The following MTRES1 variants were observed in gnomAD, a reference collection of about 807,000 sequenced individuals.
MTRES1 encodes the protein uncharacterized protein C6orf203.
MTRES1 carries 11 observed loss-of-function variants against 17.4 expected under a neutral mutation model. The ratio of observed to expected loss-of-function variants is 0.63; its 90% CI spans 0.40 to 1.05. The LOEUF (loss-of-function observed/expected upper bound fraction) is 1.05. MTRES1 is among the 50% of genes least tolerant of loss of function. The pLI is 0.00. For missense variants in MTRES1, 268 were observed against 276.2 expected, an observed-to-expected ratio of 0.97 and a Z score of 0.21; for synonymous variants, 94 against 99.6, an observed-to-expected ratio of 0.94 and a Z score of 0.34.
intron 2 of MTRES1, among the ~76,000 whole-genome samples, chr6:107,042,785 T>C (rs1415488877): frequency 3.3e-5 from 5 of 152,194 alleles, no homozygotes; most frequent in Admixed American, 3.3e-4. Context: ...AGCTGCAGCC[T>C]GGCCATGTAG....
rs369691010 is a variant in MTRES1, at chr6:107,046,826, A to G, written c.543+2494A>G. Among the ~76,000 whole-genome samples the G allele has an allele frequency of 5.4e-4, 82 of 152,228 alleles. No homozygotes were observed. The South Asian group carries it at 9.3e-3, about 17-fold the overall frequency. The stretch of plus-strand genomic sequence containing the variant: ...AACAGTGGGTGTGTGGTGTCCAAGT[A>G]TGGGGATTGAATCCTTCCTAAACTC... On this transcript the variant is annotated intron_variant, in intron 3 of 3. Coordinates refer to ENST00000311381, the MANE Select transcript of MTRES1 (RefSeq NM_016487.5).
At chr6:107,030,335 C>T (rs1296982787) in intron 1 of MTRES1, among the ~76,000 whole-genome samples, 1 of 152,094 alleles carries the variant, frequency 6.6e-6, no homozygotes, top group African/African-American at 2.4e-5. Context: ...GTGGAGGTGT[C>T]AAATAGGCAG....
intron 1 of MTRES1, chr6:107,029,883 G>A: frequency 8.5e-6 from 5 of 590,380 alleles, no homozygotes; most frequent in Non-Finnish European, 1.5e-5. Flanking sequence ...TGGGATTATA[G>A]GCGTGAGCCA....
rs143751404 is a variant in MTRES1 at position 107,031,405 on chromosome 6, A to G, written c.-13+3134A>G. On this transcript the variant is annotated intron_variant, in intron 1 of 3. Coordinates refer to ENST00000311381, the MANE Select transcript of MTRES1 (RefSeq NM_016487.5). Reference sequence around the variant, plus strand: ...TGTCTCAAAAAAAAAAAAAAGAAAAAAAAAGAAAAAAGGAGAAGAGAAGGA... The same window carrying G: ...TGTCTCAAAAAAAAAAAAAAGAAAAGAAAAGAAAAAAGGAGAAGAGAAGGA... Among the ~76,000 whole-genome samples, 484 of 148,630 alleles carry G rather than the reference A, an allele frequency of 3.3e-3. 8 individuals are homozygous for G. Among genetic ancestry groups the G allele is most frequent in the African/African-American group, 0.011 (459 of 40,486 alleles).
intron 1 of MTRES1, among the ~76,000 whole-genome samples, chr6:107,036,703 C>A (rs1211869405): frequency 6.6e-6 from 1 of 151,788 alleles, no homozygotes; most frequent in Non-Finnish European, 1.5e-5. Context: ...ATTAGTTGGG[C>A]GTGGTGGTGG....
intron 2 of MTRES1, among the ~76,000 whole-genome samples, chr6:107,043,281 CCGAGACCA>C (rs1774281193): frequency 6.6e-6 from 1 of 151,752 alleles, no homozygotes; most frequent in South Asian, 2.1e-4. Context: ...CTGCAGTGAG[CCGAGACCA>C]CACCACCGCA....
intron 1 of MTRES1, among the ~76,000 whole-genome samples, chr6:107,034,709 C>T (rs9373910): frequency 0.13 from 19,109 of 152,164 alleles, 1,685 homozygotes; most frequent in East Asian, 0.35. Context: ...TGACCTTGGT[C>T]GGGTGCGTTG....
intron 1 of MTRES1, among the ~76,000 whole-genome samples, chr6:107,031,857 T>C (rs1442103649): frequency 6.6e-6 from 1 of 152,064 alleles, no homozygotes. Context: ...CACCTCGGCC[T>C]CCCAAAGTGC....
At chr6:107,044,074 A>T (rs1379452652) in intron 2 of MTRES1, among the ~76,000 whole-genome samples, 186 bp from the exon 3 acceptor site, 1 of 152,214 alleles carries the variant, frequency 6.6e-6, no homozygotes, top group African/African-American at 2.4e-5. Flanking sequence ...GTGAGCCGAG[A>T]TGGCGCCACT....
chr6:107,034,843 C>T (rs1375598899), intron 1 of MTRES1, among the ~76,000 whole-genome samples: 1 of 151,978 alleles, frequency 6.6e-6, no homozygotes, highest in Non-Finnish European at 1.5e-5. Context: ...CAAAATTAGC[C>T]AGGCGTGGTG....
chr6:107,038,898 T>C (rs1202011900), intron 1 of MTRES1, among the ~76,000 whole-genome samples: 5 of 151,816 alleles, frequency 3.3e-5, no homozygotes, highest in Non-Finnish European at 7.4e-5. Flanking sequence ...CTACTAAAAA[T>C]ACAAAATTAG....
chr6:107,041,009 A>C (rs62429963), intron 2 of MTRES1: 1 of 151,298 alleles, frequency 6.6e-6, no homozygotes, highest in Non-Finnish European at 1.5e-5. Context: ...GGCGGATCAC[A>C]AGGTCAGGAG....
In MTRES1 at chr6:107,030,459, T is replaced by C. The variant is rs909637071; in HGVS notation, c.-13+2188T>C. Among the ~76,000 whole-genome samples, 4 of 152,178 alleles carry C rather than the reference T, an allele frequency of 2.6e-5. No individual in the cohort carries two copies. In the East Asian group the frequency reaches 7.7e-4, roughly 29 times the overall value. On this transcript the variant is annotated intron_variant, in intron 1 of 3. Transcript: ENST00000311381. The stretch of plus-strand genomic sequence containing the variant: ...TATAGCAAAAGGATACAAAGCAAAA[T>C]AAGCAAAGGGAAAAGATGCATGGGA...
intron 1 of MTRES1, among the ~76,000 whole-genome samples, chr6:107,033,507 C>A (rs1773910658): frequency 6.6e-6 from 1 of 151,960 alleles, no homozygotes; most frequent in Non-Finnish European, 1.5e-5. Flanking sequence ...ACTCAGGGCT[C>A]CCCTGACCAG....
chr6:107,049,097 G>A (rs542778046), intron 3 of MTRES1, among the ~76,000 whole-genome samples: 76 of 152,292 alleles, frequency 5.0e-4, no homozygotes, highest in African/African-American at 1.7e-3. Context: ...TCTTGAGTGG[G>A]TGGGAGAATA....
At chr6:107,046,101 G>T (rs1177327098) in intron 3 of MTRES1, among the ~76,000 whole-genome samples, 1 of 152,218 alleles carries the variant, frequency 6.6e-6, no homozygotes, top group Non-Finnish European at 1.5e-5. Context: ...GAACCGGCAG[G>T]CTGGGACTGT....
In MTRES1 at chr6:107,040,155, A is replaced by T; in HGVS notation, c.395A>T (p.Tyr132Phe). 1.2e-6 allele frequency: 2 copies of T among 1,613,280 alleles called. No homozygotes were observed. Among genetic ancestry groups the T allele is most frequent in the Non-Finnish European group, 1.7e-6 (2 of 1,179,878 alleles). ...GATGATCCTACTGTAGTCAAAAACTATAAAGACCTGGAAAAAGCAGTTCAG... is the reference window on the plus strand; with the variant it reads ...GATGATCCTACTGTAGTCAAAAACTTTAAAGACCTGGAAAAAGCAGTTCAG... The part of the protein sequence containing the change: ...LEDDPTVVKN[Y>F]KDLEKAVQSF... The change falls in exon 2 of 4, where the codon TAT (tyrosine) becomes TTT (phenylalanine). Residue 132 changes from tyrosine (Y) to phenylalanine (F), a missense_variant. Coordinates refer to ENST00000311381, the MANE Select transcript of MTRES1 (RefSeq NM_016487.5).
chr6:107,049,526 G>A (rs1008938827), intron 3 of MTRES1, among the ~76,000 whole-genome samples: 2 of 143,982 alleles, frequency 1.4e-5, no homozygotes, highest in African/African-American at 2.6e-5. Flanking sequence ...CCATTCTTCT[G>A]TCTCAGCCTC....
At chr6:107,050,103 T>C (rs1050938280) in intron 3 of MTRES1, among the ~76,000 whole-genome samples, 1 of 152,224 alleles carries the variant, frequency 6.6e-6, no homozygotes, top group African/African-American at 2.4e-5. Context: ...GGGCTGTCCA[T>C]ACCTTCAGCA....
Sources: gnomAD v4.1 joint callset for allele counts (sites outside exome capture counted in the v4.1 genomes callset) on GRCh38, gnomAD v4.1.1 for gene constraint, MANE v1.5 for transcripts, NCBI Gene and HGNC (gene_info 2026-07-23, HGNC 2026-07-21) for gene names.